The following CFAP54 variants were observed in gnomAD, a reference collection of about 807,000 sequenced individuals.
CFAP54 encodes the protein cilia and flagella associated protein 54.
A neutral mutation model predicts 370.4 loss-of-function variants in CFAP54; 290 were observed. The observed-to-expected ratio is 0.78, with a 90% CI of 0.71 to 0.86. CFAP54 has a LOEUF of 0.86. Ranked by LOEUF, CFAP54 falls within the 40% of genes least tolerant of loss-of-function variation. The probability of loss-of-function intolerance (pLI) is 0.00; values close to 1 mark genes in which losing one functional copy is unlikely to be tolerated. For missense variants in CFAP54, 3,399 were observed against 3,528.7 expected (o/e 0.96, Z 0.93); for synonymous variants, 1,206 against 1,236.5 (o/e 0.98, Z 0.52).
At chr12:96,731,355 T>C (rs1218410188) in intron 50 of CFAP54, among the ~76,000 whole-genome samples, 2 of 152,248 alleles carry the variant, frequency 1.3e-5, no homozygotes, top group African/African-American at 4.8e-5. Context: ...TTATGAAAGC[T>C]ATGGTTGACT....
intron 32 of CFAP54, among the ~76,000 whole-genome samples, chr12:96,634,758 A>G (rs1956646625): frequency 6.6e-6 from 1 of 152,162 alleles, no homozygotes; most frequent in African/African-American, 2.4e-5. Context: ...AATTTTTTGC[A>G]TAAGATGTGA....
At chr12:96,845,112 C>G (rs1959301365) in intron 66 of CFAP54, among the ~76,000 whole-genome samples, 1 of 152,120 alleles carries the variant, frequency 6.6e-6, no homozygotes, top group Non-Finnish European at 1.5e-5. Flanking sequence ...CATTCTAGAG[C>G]ATGGAGTATT....
intron 32 of CFAP54, among the ~76,000 whole-genome samples, chr12:96,636,290 T>C (rs1956663731): frequency 6.6e-6 from 1 of 152,206 alleles, no homozygotes; most frequent in African/African-American, 2.4e-5. Context: ...TTCTTTGAGA[T>C]TACTATGTCT....
chr12:96,854,173 T>C (rs1242471840), intron 66 of CFAP54, among the ~76,000 whole-genome samples: 2 of 152,160 alleles, frequency 1.3e-5, no homozygotes, highest in East Asian at 3.8e-4. Context: ...TTCATTACTA[T>C]AAAATAGGTG....
chr12:96,841,722 C>T (rs1238472973), intron 66 of CFAP54, among the ~76,000 whole-genome samples: 3 of 152,196 alleles, frequency 2.0e-5, no homozygotes, highest in South Asian at 2.1e-4. Flanking sequence ...GTCCCAGTTT[C>T]GCCCTTGCGA....
chr12:96,501,282 C>G (rs976659302), intron 2 of CFAP54: 1 of 166,154 alleles, frequency 6.0e-6, no homozygotes, highest in Non-Finnish European at 1.3e-5. Context: ...ACACCACTTC[C>G]TGTTGTTTTT....
At chr12:96,668,911 A>G (rs1285609618) in intron 39 of CFAP54, among the ~76,000 whole-genome samples, 1 of 152,212 alleles carries the variant, frequency 6.6e-6, no homozygotes, top group African/African-American at 2.4e-5. Context: ...TCAGCTAGTC[A>G]TTCAGCAAAC....
At chr12:96,722,365 T>C (rs1044885617) in intron 50 of CFAP54, among the ~76,000 whole-genome samples, 2 of 151,926 alleles carry the variant, frequency 1.3e-5, no homozygotes, top group Non-Finnish European at 2.9e-5. Flanking sequence ...AACAAAGTAC[T>C]TAAATGAGAG....
At chr12:96,746,148 C>G (rs1325303610) in intron 55 of CFAP54, among the ~76,000 whole-genome samples, 1 of 152,050 alleles carries the variant, frequency 6.6e-6, no homozygotes, top group East Asian at 1.9e-4. Flanking sequence ...CACTTTTACC[C>G]CTCTCTCACA....
At chr12:96,730,863 C>T (rs914542020) in intron 50 of CFAP54, among the ~76,000 whole-genome samples, 2 of 152,200 alleles carry the variant, frequency 1.3e-5, no homozygotes, top group African/African-American at 4.8e-5. Flanking sequence ...TGACTAACCA[C>T]ATCTAAATCT....
At chr12:96,741,673 C>A (rs1291760256) in intron 51 of CFAP54, among the ~76,000 whole-genome samples, 6 of 152,192 alleles carry the variant, frequency 3.9e-5, no homozygotes. Flanking sequence ...TTCCTAGTGT[C>A]TACGATGGAC....
chr12:96,719,509 A>G (rs888705717), intron 49 of CFAP54, among the ~76,000 whole-genome samples: 5 of 152,240 alleles, frequency 3.3e-5, no homozygotes, highest in Non-Finnish European at 1.5e-5. Flanking sequence ...CAACTAGGTG[A>G]CCATACTTTA....
chr12:96,707,196 G>A (rs548684494), intron 47 of CFAP54, among the ~76,000 whole-genome samples: 1 of 152,120 alleles, frequency 6.6e-6, no homozygotes, highest in Admixed American at 6.5e-5. Flanking sequence ...TGGAAAGAGT[G>A]GGTGATCAGT....
chr12:96,516,642 G>T (rs1955238508), intron 5 of CFAP54, among the ~76,000 whole-genome samples: 1 of 152,140 alleles, frequency 6.6e-6, no homozygotes, highest in African/African-American at 2.4e-5. Context: ...AGCTTCTTTG[G>T]TGGCATTTAA....
At chr12:96,530,458 T>C (rs2136377664) in intron 9 of CFAP54, among the ~76,000 whole-genome samples, 1 of 152,314 alleles carries the variant, frequency 6.6e-6, no homozygotes, top group South Asian at 2.1e-4. Flanking sequence ...CCACCACCAC[T>C]GCACTCCAGC....
At chr12:96,830,038 A>G (rs1021168126) in intron 66 of CFAP54, among the ~76,000 whole-genome samples, 2 of 152,172 alleles carry the variant, frequency 1.3e-5, no homozygotes, top group African/African-American at 2.4e-5. Flanking sequence ...TCCGTGTTGT[A>G]ACATGTCCTA....
intron 65 of CFAP54, among the ~76,000 whole-genome samples, chr12:96,825,648 A>C (rs1410971656): frequency 8.2e-6 from 1 of 121,892 alleles, no homozygotes; most frequent in African/African-American, 3.3e-5. Flanking sequence ...CCTATTGTAT[A>C]TTATATATAT....
intron 15 of CFAP54, among the ~76,000 whole-genome samples, chr12:96,549,962 C>T (rs115799269): frequency 0.011 from 1,663 of 152,202 alleles, 27 homozygotes; most frequent in African/African-American, 0.037. Context: ...TATATGCATG[C>T]TACTATTTAA....
At chr12:96,628,722 G>A (rs920929289) in intron 30 of CFAP54, among the ~76,000 whole-genome samples, 12 of 152,100 alleles carry the variant, frequency 7.9e-5, no homozygotes, top group Non-Finnish European at 4.4e-5. Flanking sequence ...ATGGGATTAG[G>A]ATTATCTTCA....
Sources: gnomAD v4.1 joint callset for allele counts (sites outside exome capture counted in the v4.1 genomes callset) on GRCh38, gnomAD v4.1.1 for gene constraint, MANE v1.5 for transcripts, NCBI Gene and HGNC (gene_info 2026-07-23, HGNC 2026-07-21) for gene names.